Variants in RAB2A observed in about 807,000 individuals in gnomAD.
RAB2A encodes the protein RAB2A, member RAS oncogene family.
In RAB2A, 7 loss-of-function variants were observed where a neutral mutation model predicts 32.5. The ratio of observed to expected loss-of-function variants is 0.22; its 90% confidence interval spans 0.12 to 0.40. The LOEUF is 0.40. Among genes scored for constraint, RAB2A ranks in the 10% least tolerant of loss-of-function variants. The pLI is 1.00. For synonymous variants in RAB2A, 79 were observed against 85.2 expected (o/e 0.93, Z 0.40); for missense variants, 108 against 260.7 (o/e 0.41, Z 4.03).
intron 6 of RAB2A, among the ~76,000 whole-genome samples, chr8:60,606,861 G>A (rs187611231): frequency 9.8e-5 from 15 of 152,338 alleles, no homozygotes; most frequent in Admixed American, 3.3e-4. Context: ...CTACAAAACT[G>A]TTCTTCCCTC....
intron 5 of RAB2A, among the ~76,000 whole-genome samples, chr8:60,586,565 A>G (rs1231404461): frequency 6.6e-6 from 1 of 152,148 alleles, no homozygotes; most frequent in Non-Finnish European, 1.5e-5. Flanking sequence ...ATGAAGAGAT[A>G]TAACCATGTT....
intron 3 of RAB2A, among the ~76,000 whole-genome samples, chr8:60,582,928 G>A (rs911339909): frequency 6.4e-4 from 98 of 152,044 alleles, no homozygotes; most frequent in Admixed American, 2.6e-4. Flanking sequence ...GATTGCATGC[G>A]TGAGCCACCA....
At chr8:60,594,957 T>C (rs1803999945) in intron 6 of RAB2A, among the ~76,000 whole-genome samples, 1 of 152,190 alleles carries the variant, frequency 6.6e-6, no homozygotes, top group African/African-American at 2.4e-5. Context: ...GCACAGTGTT[T>C]TGCAAGAGCA....
rs141095524 is a variant in RAB2A, at chr8:60,588,555, TAC to T, written c.363-3301_363-3300del. Reference sequence around the variant, plus strand: ...CAAAATGGATGATTCTCAAAATAATTACAGAGTGAAAAAACTCAGACCAAAAA... The same window carrying T: ...CAAAATGGATGATTCTCAAAATAATTAGAGTGAAAAAACTCAGACCAAAAA... On this transcript the variant is annotated intron_variant, in intron 5 of 7. Transcript: ENST00000262646. Among the ~76,000 whole-genome samples the T allele has an allele frequency of 5.9e-5, 9 of 152,246 alleles. No homozygotes were observed. The East Asian group carries it at 1.2e-3, about 20-fold the overall frequency.
chr8:60,561,743 T>C (rs1808028925), intron 2 of RAB2A, among the ~76,000 whole-genome samples: 1 of 152,218 alleles, frequency 6.6e-6, no homozygotes, highest in African/African-American at 2.4e-5. Context: ...TTCTGTCCAC[T>C]CTTTTCATGG....
intron 3 of RAB2A, among the ~76,000 whole-genome samples, chr8:60,580,467 T>A (rs1426632279): frequency 6.6e-6 from 1 of 152,166 alleles, no homozygotes; most frequent in Non-Finnish European, 1.5e-5. Flanking sequence ...CCAATACCAT[T>A]ATCAAAGAGA....
intron 1 of RAB2A, among the ~76,000 whole-genome samples, chr8:60,554,165 A>G (rs1482256621): frequency 6.6e-6 from 1 of 152,216 alleles, no homozygotes; most frequent in Non-Finnish European, 1.5e-5. Context: ...CATTTTAGCA[A>G]ACATTTTCAC....
At chr8:60,577,792 A>ATTTTTTTTTTTTTTTTT (rs3055112) in intron 3 of RAB2A, among the ~76,000 whole-genome samples, 3 of 112,946 alleles carry the variant, frequency 2.7e-5, no homozygotes, top group Non-Finnish European at 5.2e-5. Flanking sequence ...CGCCCGGCTA[A>ATTTTTTTTTTTTTTTTT]TTTTTTTTTT....
intron 6 of RAB2A, among the ~76,000 whole-genome samples, chr8:60,609,582 G>C (rs1238381425): frequency 1.3e-5 from 2 of 152,078 alleles, no homozygotes; most frequent in Non-Finnish European, 2.9e-5. Context: ...TTTCATTCTG[G>C]TTATGCTTTG....
rs539592628 is a variant in RAB2A at position 60,618,659 on chromosome 8, A to G, written c.543+11A>G. On this transcript the variant is annotated intron_variant, in intron 7 of 7. Transcript: ENST00000262646. ...GACATTAATAATGAGGTATATACAT[A>G]TAAATATTGTTGGTCAATATTAATT... The G allele has an allele frequency of 1.3e-4, 127 of 1,004,352 alleles. No homozygotes were observed. The African/African-American group carries it at 1.9e-3, about 15-fold the overall frequency. The allele number at this position is 1,004,352 out of a possible 1,614,324, so 62.2% of individuals were successfully genotyped here. A position where few individuals can be genotyped will look rare whatever the true frequency, so the allele number is the denominator to read the frequency against.
chr8:60,526,305 C>T (rs1586061175), intron 1 of RAB2A, among the ~76,000 whole-genome samples: 2 of 152,142 alleles, frequency 1.3e-5, no homozygotes, highest in African/African-American at 4.8e-5. Flanking sequence ...AGAGCTTTTC[C>T]CGACTTCTAG....
intron 1 of RAB2A, among the ~76,000 whole-genome samples, chr8:60,529,183 C>T (rs900759485): frequency 2.6e-5 from 4 of 151,680 alleles, no homozygotes; most frequent in Non-Finnish European, 5.9e-5. Context: ...GCTATATGTA[C>T]TGATTCTTCA....
intron 6 of RAB2A, among the ~76,000 whole-genome samples, chr8:60,616,268 C>T (rs548283966): frequency 1.9e-3 from 293 of 152,180 alleles, no homozygotes; most frequent in Non-Finnish European, 3.3e-3. Context: ...TATTACCAGA[C>T]GGGCAAAAAG....
chr8:60,542,485 C>T (rs556945642), intron 1 of RAB2A, among the ~76,000 whole-genome samples: 66 of 151,358 alleles, frequency 4.4e-4, no homozygotes, highest in Non-Finnish European at 8.5e-4. Flanking sequence ...CACTGTACTC[C>T]TGCCTGACGA....
At chr8:60,518,698 C>T (rs577703812) in intron 1 of RAB2A, among the ~76,000 whole-genome samples, 4 of 147,700 alleles carry the variant, frequency 2.7e-5, no homozygotes, top group South Asian at 2.2e-4. Context: ...CTGATGCGTG[C>T]GTGCGTGTGT....
intron 1 of RAB2A, among the ~76,000 whole-genome samples, chr8:60,549,403 C>T (rs949241551): frequency 7.2e-5 from 11 of 151,988 alleles, no homozygotes; most frequent in Non-Finnish European, 1.5e-5. Context: ...CTCGGGAGGC[C>T]GAGGCTGGCG....
intron 5 of RAB2A, among the ~76,000 whole-genome samples, chr8:60,590,449 G>T (rs1358777508): frequency 1.3e-5 from 2 of 148,972 alleles, no homozygotes; most frequent in Non-Finnish European, 3.0e-5. Flanking sequence ...ACCAGCGTGA[G>T]CAACATAGTG....
At chr8:60,619,979 G>A (rs1312352329) in intron 7 of RAB2A, among the ~76,000 whole-genome samples, 1 of 152,244 alleles carries the variant, frequency 6.6e-6, no homozygotes, top group African/African-American at 2.4e-5. Context: ...GCTAGTGCCA[G>A]AAACCCCAAG....
At chr8:60,609,126 A>G (rs1442705089) in intron 6 of RAB2A, among the ~76,000 whole-genome samples, 1 of 152,110 alleles carries the variant, frequency 6.6e-6, no homozygotes, top group African/African-American at 2.4e-5. Context: ...GGATGCTTTG[A>G]TTGCCAACCC....
Sources: gnomAD v4.1 joint callset for allele counts (sites outside exome capture counted in the v4.1 genomes callset) on GRCh38, gnomAD v4.1.1 for gene constraint, MANE v1.5 for transcripts, NCBI Gene and HGNC (gene_info 2026-07-23, HGNC 2026-07-21) for gene names.